PXK: variants seen among roughly 807,000 people sequenced by gnomAD.
PXK encodes the protein PX domain containing serine/threonine kinase like.
Under a neutral mutation model 84.7 loss-of-function variants are expected in PXK, and 35 were observed. That is an observed-to-expected ratio of 0.41 (90% CI 0.32 to 0.55). PXK has a LOEUF of 0.55. PXK is among the 20% of genes least tolerant of loss of function. PXK has a pLI of 0.21. For missense variants in PXK, 634 were observed against 699.7 expected (o/e 0.91, Z 1.06); for synonymous variants, 253 against 260.8 (o/e 0.97, Z 0.29).
rs369353320 is a variant in PXK at position 58,397,216 on chromosome 3, A to G, written c.984+16A>G. 122 of 1,612,148 alleles carry G rather than the reference A, an allele frequency of 7.6e-5. No individual in the cohort carries two copies. Among genetic ancestry groups the G allele is most frequent in the Non-Finnish European group, 1.0e-4 (120 of 1,178,472 alleles). Reference sequence around the variant, plus strand: ...GAAAATCAATGTAAGTTGCTAAAGTAATGAAATAGCAGGTTCATTTTTAGG... The same window carrying G: ...GAAAATCAATGTAAGTTGCTAAAGTGATGAAATAGCAGGTTCATTTTTAGG... On this transcript the variant is annotated intron_variant, in intron 10 of 17. Transcript: ENST00000356151. The surrounding 1 kb of genome is among the most constrained non-coding windows in gnomAD (Gnocchi z 4.7).
chr3:58,392,284 T>C (rs947893180), intron 7 of PXK, among the ~76,000 whole-genome samples: 105 of 152,296 alleles, frequency 6.9e-4, no homozygotes, highest in Admixed American at 1.6e-3. Context: ...AGATGACCTT[T>C]AGGAATACAT....
chr3:58,353,357 G>T (rs1270292584), intron 1 of PXK, among the ~76,000 whole-genome samples: 6 of 152,074 alleles, frequency 3.9e-5, no homozygotes, highest in African/African-American at 1.4e-4. Flanking sequence ...GATGCGTTTG[G>T]CTTTATTCAT....
intron 1 of PXK, among the ~76,000 whole-genome samples, chr3:58,355,775 G>C (rs2098064009): frequency 6.6e-6 from 1 of 152,190 alleles, no homozygotes; most frequent in Non-Finnish European, 1.5e-5. Flanking sequence ...CATCATTGGG[G>C]TGAACCAGCT....
Position 58,425,222 on chromosome 3 carries a change from T to A in PXK, c.*262T>A, listed in dbSNP as rs536835084. ...TTGTTTATCCTCTAATGGCCAGGCT[T>A]TTGGGACAGCAGCATATTGAAATAT... is the stretch of plus-strand genomic sequence containing the variant. On this transcript the variant is annotated 3_prime_UTR_variant, in exon 18 of 18. Transcript: ENST00000356151. 19 of 425,748 alleles carry A rather than the reference T, an allele frequency of 4.5e-5. No homozygotes were observed. Among genetic ancestry groups the A allele is most frequent in the Middle Eastern group, 6.6e-4 (1 of 1,510 alleles). The allele number at this position is 425,748 out of a possible 1,614,324, so 26.4% of individuals were successfully genotyped here. A position where few individuals can be genotyped will look rare whatever the true frequency, so the allele number is the denominator to read the frequency against.
chr3:58,339,260 T>G (rs2097685124), intron 1 of PXK, among the ~76,000 whole-genome samples: 1 of 151,380 alleles, frequency 6.6e-6, no homozygotes, highest in South Asian at 2.1e-4. Context: ...AGACGTAGTC[T>G]TACTCTGTTG....
intron 4 of PXK, among the ~76,000 whole-genome samples, chr3:58,386,062 G>A (rs2098548074): frequency 6.6e-6 from 1 of 152,004 alleles, no homozygotes; most frequent in Admixed American, 6.6e-5. Context: ...TCTTCCCTGG[G>A]TCCCCAGCCT....
At chr3:58,371,828 A>G (rs2098376701) in intron 3 of PXK, among the ~76,000 whole-genome samples, 1 of 152,192 alleles carries the variant, frequency 6.6e-6, no homozygotes, top group African/African-American at 2.4e-5. Flanking sequence ...GTCAGACATC[A>G]TTTCAGTGGG....
rs2098547042 is a variant in PXK, at chr3:58,385,938, G to C, written c.388+3238G>C. Among the ~76,000 whole-genome samples, 6 of 152,140 alleles carry C rather than the reference G, an allele frequency of 3.9e-5. No individual in the cohort carries two copies. The highest frequency in any genetic ancestry group is 3.9e-4 in the Admixed American group (6 of 15,278). On this transcript the variant is annotated intron_variant, in intron 4 of 17. Transcript: ENST00000356151. The surrounding 1 kb of genome is among the most constrained non-coding windows in gnomAD (Gnocchi z 5.1). ...CCAGAATCAGCAGAGCACTTTTCCT[G>C]GTCCTTGCTCTGATGGAGGGTGAGG...
chr3:58,399,513 A>G lies in PXK; in HGVS notation c.1181+136A>G. 2 of 794,102 alleles carry G rather than the reference A, an allele frequency of 2.5e-6. No homozygotes were observed. The highest frequency in any genetic ancestry group is 4.2e-6 in the Non-Finnish European group (2 of 472,580). The allele number at this position is 794,102 out of a possible 1,614,324, so 49.2% of individuals were successfully genotyped here. On this transcript the variant is annotated intron_variant, in intron 12 of 17. Transcript: ENST00000356151. This position sits in a 1 kb window ranked among gnomAD's most constrained non-coding sequence, Gnocchi z 4.3. The stretch of plus-strand genomic sequence containing the variant: ...TGGCGTGGCCTGCTTGCTGATGGGC[A>G]CTTGCAGCATGATATCCTCACCCTT...
rs2058171809 is a variant in PXK, at chr3:58,399,125, G to C, written c.1103-174G>C. Among the ~76,000 whole-genome samples, 1 of 152,204 alleles carries C rather than the reference G, an allele frequency of 6.6e-6. No homozygotes were observed. Among genetic ancestry groups the C allele is most frequent in the African/African-American group, 2.4e-5 (1 of 41,448 alleles). On this transcript the variant is annotated intron_variant, in intron 11 of 17. Transcript: ENST00000356151. This position sits in a 1 kb window ranked among gnomAD's most constrained non-coding sequence, Gnocchi z 4.3. ...TTCTTTTGAGTCATCGGTAACGCCA[G>C]TGTTGCCAGCATTCCCCCACCCCAC...
At chr3:58,422,236 T>G in intron 17 of PXK, 1 of 985,420 alleles carries the variant, frequency 1.0e-6, no homozygotes, top group Non-Finnish European at 1.2e-6. Flanking sequence ...TGTTCCTGCC[T>G]CCTCCAGTTT....
chr3:58,341,394 G>A lies in PXK; in HGVS notation c.102+8304G>A, dbSNP rs148193793. Among the ~76,000 whole-genome samples, 330 of 152,012 alleles carry A rather than the reference G, an allele frequency of 2.2e-3. 1 individual carries two copies. The highest frequency in any genetic ancestry group is 2.9e-3 in the South Asian group (14 of 4,806). On this transcript the variant is annotated intron_variant, in intron 1 of 17. Transcript: ENST00000356151. ...CTGGCCAACATGGGGAAACCCTGTC[G>A]CTACTAAAAGTACAAAAATTAGCTG...
At chr3:58,347,540 A>C (rs1292931258) in intron 1 of PXK, among the ~76,000 whole-genome samples, 1 of 152,160 alleles carries the variant, frequency 6.6e-6, no homozygotes, top group Non-Finnish European at 1.5e-5. Context: ...AAAGCTTTGA[A>C]ATTCTTCTAT....
At chr3:58,402,990 T>C (rs2058831998) in intron 12 of PXK, among the ~76,000 whole-genome samples, 1 of 151,066 alleles carries the variant, frequency 6.6e-6, no homozygotes, top group Non-Finnish European at 1.5e-5. Flanking sequence ...GTTGTTTACT[T>C]TTTTGCAATA....
At position 58,332,988 on chromosome 3, in the gene PXK, G is replaced by C. The variant is rs896651786; in HGVS notation, c.-1G>C. On this transcript the variant is annotated 5_prime_UTR_variant, in exon 1 of 18. Transcript: ENST00000356151. The surrounding 1 kb of genome is among the most constrained non-coding windows in gnomAD (Gnocchi z 5.6). The stretch of plus-strand genomic sequence containing the variant: ...AGGCGGCGGCGGCCGGGCGTCCCGG[G>C]ATGGCCTTCATGGAGAAGCCGCCAG... The C allele has an allele frequency of 1.5e-6, 2 of 1,367,398 alleles. No individual in the cohort carries two copies. Among genetic ancestry groups the C allele is most frequent in the Non-Finnish European group, 1.9e-6 (2 of 1,047,780 alleles). 84.7% of individuals were successfully genotyped at this position (1,367,398 alleles called of 1,614,324 possible). A position where few individuals can be genotyped will look rare whatever the true frequency, so the allele number is the denominator to read the frequency against.
chr3:58,423,160 GA>G (rs1478556495), intron 17 of PXK: 4 of 985,122 alleles, frequency 4.1e-6, no homozygotes, highest in African/African-American at 3.5e-5. Context: ...TTGCTCTCCA[GA>G]AGTCCTCTTC....
chr3:58,360,689 G>A (rs1474079287), intron 1 of PXK, among the ~76,000 whole-genome samples: 2 of 151,764 alleles, frequency 1.3e-5, no homozygotes, highest in East Asian at 1.9e-4. Context: ...AAAATTAGCC[G>A]AGGGTGGTGG....
In PXK at chr3:58,399,467, T is replaced by C. The variant is rs4075152; in HGVS notation, c.1181+90T>C. 1,037,387 of 1,335,944 alleles carry C rather than the reference T, an allele frequency of 0.78. 404,125 individuals carry two copies. The highest frequency in any genetic ancestry group is 0.8 in the Middle Eastern group (4,457 of 5,584). 82.8% of individuals were successfully genotyped at this position (1,335,944 alleles called of 1,614,324 possible). A position where few individuals can be genotyped will look rare whatever the true frequency, so the allele number is the denominator to read the frequency against. ...CAAGCACCTGGTACTGTAGTAAAGATTCTTGCGGTCCCTGCAGAGTTGGCG... is the reference window on the plus strand; with the variant it reads ...CAAGCACCTGGTACTGTAGTAAAGACTCTTGCGGTCCCTGCAGAGTTGGCG... On this transcript the variant is annotated intron_variant, in intron 12 of 17. Transcript: ENST00000356151. This position sits in a 1 kb window ranked among gnomAD's most constrained non-coding sequence, Gnocchi z 4.3.
chr3:58,344,465 G>T (rs191082431), intron 1 of PXK, among the ~76,000 whole-genome samples: 46 of 152,308 alleles, frequency 3.0e-4, no homozygotes, highest in Non-Finnish European at 5.7e-4. Context: ...ATGCTTGGGA[G>T]ATGCAGCTCA....
Sources: gnomAD v4.1 joint callset for allele counts (sites outside exome capture counted in the v4.1 genomes callset) on GRCh38, gnomAD v4.1.1 for gene constraint, Gnocchi (gnomAD v3.1) non-coding constraint, MANE v1.5 for transcripts, NCBI Gene and HGNC (gene_info 2026-07-23, HGNC 2026-07-21) for gene names.